The following PGS1 variants were observed in gnomAD, a reference collection of about 807,000 sequenced individuals.
PGS1 encodes the protein phosphatidylglycerophosphate synthase 1.
A neutral mutation model predicts 58.3 loss-of-function variants in PGS1; 44 were observed. That is an observed-to-expected ratio of 0.75 (90% CI 0.59 to 0.97). The LOEUF (loss-of-function observed/expected upper bound fraction) is 0.97, where lower values mean the gene tolerates loss of function less well. PGS1 is among the 50% of genes least tolerant of loss of function. The pLI is 0.00. For synonymous variants in PGS1, 330 were observed against 311.0 expected (o/e 1.06, Z -0.64); for missense variants, 684 against 731.1 (o/e 0.94, Z 0.74).
chr17:78,416,342 G>A (rs1032317891), intron 8 of PGS1, among the ~76,000 whole-genome samples: 4 of 152,240 alleles, frequency 2.6e-5, no homozygotes, highest in African/African-American at 9.6e-5. Context: ...TTTCAACAGC[G>A]GGCTTTCCTG....
At chr17:78,413,309 A>C (rs1162066561) in intron 7 of PGS1, among the ~76,000 whole-genome samples, 1 of 152,190 alleles carries the variant, frequency 6.6e-6, no homozygotes, top group Non-Finnish European at 1.5e-5. Context: ...TATGTTACAT[A>C]CTGTGTTGAC....
chr17:78,382,900 C>G (rs2082136751), intron 1 of PGS1: 1 of 152,196 alleles, frequency 6.6e-6, no homozygotes, highest in African/African-American at 2.4e-5. Context: ...CCGCCTCGGC[C>G]TCCCAAAGTG....
At chr17:78,388,052 T>C (rs144079696) in intron 1 of PGS1, among the ~76,000 whole-genome samples, 47 of 152,364 alleles carry the variant, frequency 3.1e-4, no homozygotes, top group African/African-American at 1.1e-3. Flanking sequence ...TCCTCCATAA[T>C]GTATCCATGA....
At chr17:78,398,414 G>A (rs1462380045) in intron 4 of PGS1, 63 bp downstream of exon 4, 2 of 1,107,722 alleles carry the variant, frequency 1.8e-6, no homozygotes, top group East Asian at 2.4e-5. Flanking sequence ...CCCAAGAGGG[G>A]TTACTGTCAC....
chr17:78,392,581 C>A lies in PGS1; in HGVS notation c.249C>A (p.Ile83=). The change falls in exon 2 of 10, where the codon ATC becomes ATA. Residue 83 remains isoleucine (I), a synonymous_variant. Coordinates refer to ENST00000262764, the MANE Select transcript of PGS1 (RefSeq NM_024419.5). ...CPEGVHRFQW[I]RNLVPEFGVS... is the part of the protein sequence containing the mutation. ...AAGGCGTGCACCGGTTCCAGTGGAT[C>A]AGAAACCTGGTTCCAGAATTTGGAG... 6.2e-7 allele frequency: 1 copy of A among 1,614,220 alleles called. No individual in the cohort carries two copies. Among genetic ancestry groups the A allele is most frequent in the Non-Finnish European group, 8.5e-7 (1 of 1,180,016 alleles).
intron 6 of PGS1, among the ~76,000 whole-genome samples, chr17:78,401,960 T>C (rs1345898131): frequency 6.6e-6 from 1 of 152,174 alleles, no homozygotes; most frequent in Non-Finnish European, 1.5e-5. Context: ...TAGGCCAGGA[T>C]GAGAGCCAGC....
chr17:78,380,179 T>C (rs983559497), intron 1 of PGS1, among the ~76,000 whole-genome samples: 2 of 152,150 alleles, frequency 1.3e-5, no homozygotes, highest in East Asian at 3.9e-4. Flanking sequence ...AATAGGTTTC[T>C]TAATTGAGTC....
At chr17:78,421,062 TCCCTAGCAA>T (rs2085688380) in intron 9 of PGS1, 1 of 152,264 alleles carries the variant, frequency 6.6e-6, no homozygotes, top group Non-Finnish European at 1.5e-5. Flanking sequence ...GATTGTTTTT[TCCCTAGCAA>T]TTTATTTTTT....
chr17:78,399,342 G>A lies in PGS1; in HGVS notation c.512-6G>A, dbSNP rs772280393. 3.1e-6 allele frequency: 5 copies of A among 1,612,994 alleles called. No homozygotes were observed. Among genetic ancestry groups the A allele is most frequent in the Non-Finnish European group, 3.4e-6 (4 of 1,179,126 alleles). ...GTCAGGTGCCGTTTTCTCTGTCCGT[G>A]TTCAGGCCGGAAGAACTCCCGCACA... On this transcript the variant is annotated splice_polypyrimidine_tract_variant and splice_region_variant and intron_variant, in intron 4 of 9. Transcript: ENST00000262764.
intron 9 of PGS1, among the ~76,000 whole-genome samples, chr17:78,423,105 GAA>G (rs11449829): frequency 7.3e-6 from 1 of 137,502 alleles, no homozygotes. Context: ...ACTCTCCCTC[GAA>G]AAAAAAAAAA....
chr17:78,401,396 G>GC (rs1228326124), intron 6 of PGS1, among the ~76,000 whole-genome samples: 1 of 152,180 alleles, frequency 6.6e-6, no homozygotes, highest in Non-Finnish European at 1.5e-5. Context: ...GAGCTCTGTG[G>GC]CCCCCTGCCT....
chr17:78,389,054 T>C (rs12943030), intron 1 of PGS1, among the ~76,000 whole-genome samples: 1 of 12,174 alleles, frequency 8.2e-5, no homozygotes, highest in East Asian at 2.0e-3. Context: ...CTCTTCTTCC[T>C]TTTTTTTTTT....
At chr17:78,423,268 G>A (rs1598416944) in intron 9 of PGS1, among the ~76,000 whole-genome samples, 1 of 152,276 alleles carries the variant, frequency 6.6e-6, no homozygotes, top group South Asian at 2.1e-4. Flanking sequence ...GCCGTGTCCT[G>A]CATCAGCCCA....
chr17:78,390,020 GTGA>G (rs2082702011), intron 1 of PGS1, among the ~76,000 whole-genome samples: 2 of 152,144 alleles, frequency 1.3e-5, no homozygotes, highest in African/African-American at 4.8e-5. Context: ...CAGAAATGCT[GTGA>G]GGCAGGGGAG....
intron 9 of PGS1, chr17:78,423,841 T>A: frequency 6.3e-7 from 1 of 1,586,888 alleles, no homozygotes; most frequent in Non-Finnish European, 8.6e-7. Flanking sequence ...AAGTCACAGG[T>A]GCACAGGTGA....
chr17:78,424,240 C>T lies in PGS1; in HGVS notation c.*190C>T, dbSNP rs569037163. ...GGAAGGGTGGGGTCCTCACACTCCC[C>T]GCCCTCTGCAGAGCTGGGCTCTACC... On this transcript the variant is annotated 3_prime_UTR_variant, in exon 10 of 10. Transcript: ENST00000262764. 552 of 1,484,166 alleles carry T rather than the reference C, an allele frequency of 3.7e-4. 2 individuals carry two copies. In the African/African-American group the frequency reaches 4.3e-3, roughly 12 times the overall value. 91.9% of individuals were successfully genotyped at this position (1,484,166 alleles called of 1,614,324 possible). A position where few individuals can be genotyped will look rare whatever the true frequency, so the allele number is the denominator to read the frequency against.
chr17:78,394,643 C>T (rs1479664672), intron 2 of PGS1, among the ~76,000 whole-genome samples: 1 of 151,206 alleles, frequency 6.6e-6, no homozygotes, highest in Non-Finnish European at 1.5e-5. Flanking sequence ...ACAACCTCTG[C>T]CTCCTGGGTT....
At chr17:78,423,105 G>A (rs1367364149) in intron 9 of PGS1, among the ~76,000 whole-genome samples, 21 of 137,540 alleles carry the variant, frequency 1.5e-4, no homozygotes, top group Admixed American at 9.3e-4. Flanking sequence ...ACTCTCCCTC[G>A]AAAAAAAAAA....
intron 7 of PGS1, among the ~76,000 whole-genome samples, chr17:78,407,117 T>G: frequency 6.7e-6 from 1 of 148,598 alleles, no homozygotes; most frequent in African/African-American, 2.5e-5. Flanking sequence ...GCTGGATGAG[T>G]GGGAAATTGG....
Sources: allele counts gnomAD v4.1 joint callset (sites outside exome capture counted in the v4.1 genomes callset), GRCh38; gene constraint gnomAD v4.1.1; transcripts MANE v1.5; gene names NCBI Gene and HGNC (gene_info 2026-07-23, HGNC 2026-07-21).